Variants in HELZ observed in about 807,000 individuals in gnomAD.
HELZ encodes the protein helicase with zinc finger.
HELZ carries 23 observed loss-of-function variants against 218.2 expected under a neutral mutation model. The ratio of observed to expected loss-of-function variants is 0.11; its 90% CI spans 0.08 to 0.15. The LOEUF is 0.15. Among genes scored for constraint, HELZ ranks in the 10% least tolerant of loss-of-function variants. The pLI, the probability that HELZ is intolerant of heterozygous loss-of-function variation, is 1.00. For missense variants in HELZ, 1,813 were observed against 2,353.7 expected (o/e 0.77, Z 4.75); for synonymous variants, 814 against 829.4 (o/e 0.98, Z 0.32).
chr17:67,159,838 A>G (rs887307746), intron 17 of HELZ, among the ~76,000 whole-genome samples: 1 of 152,188 alleles, frequency 6.6e-6, no homozygotes. Flanking sequence ...TGTAGCTTCT[A>G]TGAAATTACC....
chr17:67,165,721 A>C (rs534383993), intron 15 of HELZ, among the ~76,000 whole-genome samples: 5 of 152,338 alleles, frequency 3.3e-5, no homozygotes, highest in Admixed American at 6.5e-5. Flanking sequence ...AAGACATCCC[A>C]AAAAAATTTA....
chr17:67,208,317 G>C (rs964865375), intron 5 of HELZ, among the ~76,000 whole-genome samples: 3 of 152,166 alleles, frequency 2.0e-5, no homozygotes, highest in African/African-American at 7.2e-5. Flanking sequence ...CGATGATGGA[G>C]CAGTTCTGTA....
intron 31 of HELZ, among the ~76,000 whole-genome samples, chr17:67,100,225 T>C (rs1175482748): frequency 6.6e-6 from 1 of 152,232 alleles, no homozygotes; most frequent in Non-Finnish European, 1.5e-5. Flanking sequence ...TATCAACTAA[T>C]TTAAAACAAG....
At position 67,107,295 on chromosome 17, in the gene HELZ, C is replaced by A; in HGVS notation, c.5115G>T (p.Leu1705Phe). 6.2e-7 allele frequency: 1 copy of A among 1,614,080 alleles called. No homozygotes were observed. Among genetic ancestry groups the A allele is most frequent in the Non-Finnish European group, 8.5e-7 (1 of 1,180,022 alleles). The change falls in exon 31 of 33, where the codon TTG becomes TTT. Residue 1705 changes from leucine (L) to phenylalanine (F), a missense_variant. Around this residue, in one of 4 missense-constraint regions of HELZ, gnomAD observed 938 missense variants for 1,027.5 expected, o/e 0.91. Coordinates refer to ENST00000358691, the MANE Select transcript of HELZ (RefSeq NM_014877.4). ...AAGGGTTCTGCGGTGGCCTGTGAGG[C>A]AATGGAGGTAGGCCATAGGGAAAAC... ...GPGFPYGLPP[L>F]PHRPPQNPFV...
At position 67,108,363 on chromosome 17, in the gene HELZ, T is replaced by G. The variant is rs1567806521; in HGVS notation, c.4724+129A>C. The G allele has an allele frequency of 4.4e-6, 3 of 684,046 alleles. No homozygotes were observed. The East Asian group carries it at 8.1e-5, about 19-fold the overall frequency. 42.4% of individuals were successfully genotyped at this position (684,046 alleles called of 1,614,324 possible). A position where few individuals can be genotyped will look rare whatever the true frequency, so the allele number is the denominator to read the frequency against. On this transcript the variant is annotated intron_variant, in intron 30 of 32. Transcript: ENST00000358691. This position sits in a 1 kb window ranked among gnomAD's most constrained non-coding sequence, Gnocchi z 4.1. ...GAGTCAACAAGAGAACTGTGTAGCG[T>G]GTGCTTGGAAGGCCAGCATCCAATT...
upstream of HELZ, chr17:67,245,492 G>A: frequency 1.3e-5 from 13 of 985,786 alleles, no homozygotes; most frequent in Non-Finnish European, 1.6e-5. Flanking sequence ...CCGGGCAGAC[G>A]CCCCGCGTCT....
At chr17:67,211,217 T>C (rs1021140402) in intron 5 of HELZ, among the ~76,000 whole-genome samples, 5 of 152,112 alleles carry the variant, frequency 3.3e-5, no homozygotes, top group African/African-American at 1.2e-4. Flanking sequence ...AATCAGTTCC[T>C]GGTTTAAACA....
intron 5 of HELZ, among the ~76,000 whole-genome samples, chr17:67,211,733 C>A (rs753923531): frequency 6.6e-6 from 1 of 151,650 alleles, no homozygotes; most frequent in East Asian, 2.0e-4. Context: ...TGGTAGCAGG[C>A]GCCTGTAATC....
In HELZ at chr17:67,188,517, A is replaced by C; in HGVS notation, c.964T>G (p.Ser322Ala). ...TGACAGTTTTCTGGGACTTCTTGTGATACCTGGGTAGTACTATCTCCGGCA... is the reference window on the plus strand; with the variant it reads ...TGACAGTTTTCTGGGACTTCTTGTGCTACCTGGGTAGTACTATCTCCGGCA... ...ISAGDSTTQV[S>A]QEVPENCQEW... Residue 322 changes from serine to alanine, a missense_variant, in exon 12 of 33, where the codon TCA becomes GCA. Around this residue, in one of 4 missense-constraint regions of HELZ, gnomAD observed 714 missense variants for 1,029.2 expected, o/e 0.69. Transcript: ENST00000358691. This position sits in a 1 kb window ranked among gnomAD's most constrained non-coding sequence, Gnocchi z 4.1. 6.2e-7 allele frequency: 1 copy of C among 1,613,890 alleles called. No individual in the cohort carries two copies. The highest frequency in any genetic ancestry group is 8.5e-7 in the Non-Finnish European group (1 of 1,179,790).
chr17:67,118,107 C>A (rs1181104429), intron 27 of HELZ, among the ~76,000 whole-genome samples: 2 of 152,178 alleles, frequency 1.3e-5, no homozygotes, highest in African/African-American at 2.4e-5. Flanking sequence ...CGTTGGAGGA[C>A]TTACACTACC....
At chr17:67,203,001 A>T (rs1324628263) in intron 6 of HELZ, among the ~76,000 whole-genome samples, 1 of 152,066 alleles carries the variant, frequency 6.6e-6, no homozygotes, top group Non-Finnish European at 1.5e-5. Context: ...GCGCATCTGT[A>T]GTCCCAGCTA....
At chr17:67,229,116 TAA>T (rs1475649559) in intron 3 of HELZ, among the ~76,000 whole-genome samples, 1 of 152,192 alleles carries the variant, frequency 6.6e-6, no homozygotes, top group African/African-American at 2.4e-5. Context: ...CCAGTGTGGC[TAA>T]AGTGTATCAT....
In HELZ at chr17:67,203,424, G is replaced by A. The variant is rs1208715764; in HGVS notation, c.267C>T (p.Ala89=). The A allele has an allele frequency of 6.2e-7, 1 of 1,613,980 alleles. No individual in the cohort carries two copies. The highest frequency in any genetic ancestry group is 8.5e-7 in the Non-Finnish European group (1 of 1,179,946). ...DCRHVLGEGL[A]KGEDAFRAVL... is the part of the protein sequence containing the mutation. The stretch of plus-strand genomic sequence containing the variant: ...CTGCCCGAAAGGCATCTTCTCCCTT[G>A]GCCAGTCCTTCTCCCAGCACTGCCA... The change falls in exon 6 of 33, where the codon GCC becomes GCT. Residue 89 remains alanine (A), a synonymous_variant. Coordinates refer to ENST00000358691, the MANE Select transcript of HELZ (RefSeq NM_014877.4).
At chr17:67,127,559 A>G (rs1462130493) in intron 24 of HELZ, among the ~76,000 whole-genome samples, 1 of 152,186 alleles carries the variant, frequency 6.6e-6, no homozygotes, top group Non-Finnish European at 1.5e-5. Flanking sequence ...TAAGATTTAC[A>G]TTTTTTGGCC....
At position 67,107,254 on chromosome 17, in the gene HELZ, T is replaced by C; in HGVS notation, c.5156A>G (p.Asn1719Ser). 1 of 1,614,112 alleles carries C rather than the reference T, an allele frequency of 6.2e-7. No individual in the cohort carries two copies. The highest frequency in any genetic ancestry group is 1.1e-5 in the South Asian group (1 of 91,076). ...PPQNPFVQIQ[N>S]HQHAIGQEPF... ...CTCTTGACCAATAGCATGTTGATGA[T>C]TCTGTATTTGTACAAAAGGGTTCTG... is the stretch of plus-strand genomic sequence containing the variant. Residue 1719 changes from asparagine to serine, a missense_variant, in exon 31 of 33, where the codon AAT (asparagine) becomes AGT (serine). Around this residue, in one of 4 missense-constraint regions of HELZ, gnomAD observed 938 missense variants for 1,027.5 expected, o/e 0.91. Transcript: ENST00000358691.
intron 5 of HELZ, among the ~76,000 whole-genome samples, chr17:67,214,464 C>T (rs2040542537): frequency 1.3e-5 from 2 of 151,224 alleles, no homozygotes; most frequent in Admixed American, 6.6e-5. Flanking sequence ...TGGGGTTTCA[C>T]CATATTGGCC....
In HELZ at chr17:67,086,872, C is replaced by T. The variant is rs570920889; in HGVS notation, c.5451G>A (p.Pro1817=). ...GAGCTGTCCTGCTGGATCCATTGCA[C>T]GGAATGTTCTGATAAGGAGTAGATG... is the stretch of plus-strand genomic sequence containing the variant. ...TTSSTPYQNI[P]CNGSSRTAQP... Residue 1817 remains proline (P), a synonymous_variant, in exon 32 of 33, where the codon CCG becomes CCA. Coordinates refer to ENST00000358691, the MANE Select transcript of HELZ (RefSeq NM_014877.4). The T allele has an allele frequency of 9.3e-6, 15 of 1,613,474 alleles. No homozygotes were observed. Among genetic ancestry groups the T allele is most frequent in the Middle Eastern group, 1.6e-4 (1 of 6,062 alleles).
intron 17 of HELZ, among the ~76,000 whole-genome samples, chr17:67,159,714 C>T (rs1281381950): frequency 2.0e-5 from 3 of 152,082 alleles, no homozygotes; most frequent in African/African-American, 4.8e-5. Flanking sequence ...CTTTCTATAT[C>T]AACCTTAAAT....
intron 23 of HELZ, among the ~76,000 whole-genome samples, chr17:67,129,399 TACC>T (rs2037907227): frequency 1.3e-5 from 2 of 152,062 alleles, no homozygotes; most frequent in Admixed American, 6.6e-5. Flanking sequence ...CACACATAGA[TACC>T]ACATGTATGT....
Sources: gnomAD v4.1 joint callset for allele counts (sites outside exome capture counted in the v4.1 genomes callset) on GRCh38, gnomAD v4.1.1 for gene constraint, gnomAD v4.1.1 regional missense constraint, Gnocchi (gnomAD v3.1) non-coding constraint, MANE v1.5 for transcripts, NCBI Gene and HGNC (gene_info 2026-07-23, HGNC 2026-07-21) for gene names.